Variants in EFCAB13 observed in about 807,000 individuals in gnomAD.
The protein encoded by EFCAB13 is EF-hand calcium-binding domain-containing protein 13.
EFCAB13 carries 91 observed loss-of-function variants against 110.2 expected under a neutral mutation model. That is an observed-to-expected ratio of 0.83 (90% confidence interval 0.70 to 0.98). The LOEUF is 0.98. EFCAB13 is among the 50% of genes least tolerant of loss of function. The pLI, the probability that EFCAB13 is intolerant of heterozygous loss-of-function variation, is 0.00. For missense variants in EFCAB13, 968 were observed against 1,119.4 expected, an observed-to-expected ratio of 0.86 and a Z score of 1.93; for synonymous variants, 323 against 369.9, an observed-to-expected ratio of 0.87 and a Z score of 1.45.
intron 24 of EFCAB13, among the ~76,000 whole-genome samples, chr17:47,433,608 A>G (rs1378587428): frequency 6.6e-6 from 1 of 152,188 alleles, no homozygotes; most frequent in Non-Finnish European, 1.5e-5. Flanking sequence ...ATGAATTGCT[A>G]GCCTGTAGCA....
rs922732674 is a variant in EFCAB13 at position 47,431,153 on chromosome 17, AAATT to A, written c.2638+1194_2638+1197del. ...TCTTTGTTATTTTGAAATATAAAAT[AAATT>A]ATTAACTATAGTCACTGTATTGTGC... On this transcript the variant is annotated intron_variant, in intron 24 of 24. Transcript: ENST00000331493. The surrounding 1 kb of genome is among the most constrained non-coding windows in gnomAD (Gnocchi z 4.1). Among the ~76,000 whole-genome samples, 1 of 152,150 alleles carries A rather than the reference AAATT, an allele frequency of 6.6e-6. No homozygotes were observed. The highest frequency in any genetic ancestry group is 2.4e-5 in the African/African-American group (1 of 41,456).
chr17:47,433,313 T>C (rs1257992544), intron 24 of EFCAB13, among the ~76,000 whole-genome samples: 2 of 152,192 alleles, frequency 1.3e-5, no homozygotes, highest in Admixed American at 1.3e-4. Flanking sequence ...ACTGATGATA[T>C]TAACCTTGAT....
At chr17:47,384,855 C>G (rs745956061) in intron 14 of EFCAB13, among the ~76,000 whole-genome samples, 2 of 152,056 alleles carry the variant, frequency 1.3e-5, no homozygotes, top group Non-Finnish European at 2.9e-5. Context: ...CTGCAAGCTC[C>G]GCCTCCTGGG....
intron 4 of EFCAB13, 67 bp downstream of exon 4, chr17:47,328,450 C>G: frequency 1.6e-6 from 2 of 1,282,318 alleles, no homozygotes; most frequent in Admixed American, 4.4e-5. Context: ...TACATTACCT[C>G]ATATTCATAA....
chr17:47,419,934 C>CTCTCCT (rs1904579265), intron 23 of EFCAB13, among the ~76,000 whole-genome samples: 1 of 151,886 alleles, frequency 6.6e-6, no homozygotes, highest in Admixed American at 6.6e-5. Context: ...CTCCCTCTCC[C>CTCTCCT]TCTCCCTCCC....
intron 4 of EFCAB13, among the ~76,000 whole-genome samples, chr17:47,333,536 C>A (rs1040466773): frequency 6.6e-6 from 1 of 152,036 alleles, no homozygotes; most frequent in Admixed American, 6.6e-5. Context: ...AGAGCTTTTC[C>A]CCTATCTTCT....
intron 20 of EFCAB13, among the ~76,000 whole-genome samples, chr17:47,408,299 T>C (rs1052451851): frequency 5.3e-5 from 8 of 152,216 alleles, no homozygotes; most frequent in African/African-American, 1.9e-4. Flanking sequence ...TGTACTGAGA[T>C]AGAGTTTACC....
At chr17:47,404,047 G>A (rs767605170) in intron 19 of EFCAB13, 26 bp downstream of exon 19, 3 of 1,552,146 alleles carry the variant, frequency 1.9e-6, no homozygotes, top group Admixed American at 4.1e-5. Flanking sequence ...ATTACTCTCA[G>A]GTTTTTTTTT....
chr17:47,374,161 A>G (rs753864274), intron 11 of EFCAB13, among the ~76,000 whole-genome samples: 19 of 152,234 alleles, frequency 1.2e-4, no homozygotes, highest in Non-Finnish European at 2.1e-4. Flanking sequence ...TTATTAATCT[A>G]TTATCTTTGT....
chr17:47,362,497 G>A (rs2065520431), intron 10 of EFCAB13, among the ~76,000 whole-genome samples: 1 of 152,202 alleles, frequency 6.6e-6, no homozygotes, highest in Non-Finnish European at 1.5e-5. Flanking sequence ...GGGAAAGGCA[G>A]TCTCCCTTTC....
intron 20 of EFCAB13, among the ~76,000 whole-genome samples, chr17:47,408,246 T>C (rs184699813): frequency 2.8e-4 from 42 of 152,334 alleles, no homozygotes; most frequent in Non-Finnish European, 5.7e-4. Context: ...TTACTTTATT[T>C]ACAAAGAATT....
At chr17:47,325,220 G>A (rs1280032485) in intron 2 of EFCAB13, among the ~76,000 whole-genome samples, 3 of 150,670 alleles carry the variant, frequency 2.0e-5, no homozygotes, top group African/African-American at 4.9e-5. Context: ...TTTCACTGTT[G>A]CCCAGGCTGG....
At chr17:47,344,798 T>C (rs1372459052) in intron 7 of EFCAB13, among the ~76,000 whole-genome samples, 1 of 152,156 alleles carries the variant, frequency 6.6e-6, no homozygotes, top group African/African-American at 2.4e-5. Context: ...TCATGGGCAC[T>C]ATTTGCAGAC....
intron 17 of EFCAB13, among the ~76,000 whole-genome samples, chr17:47,399,162 G>T (rs1284644611): frequency 1.3e-5 from 2 of 152,124 alleles, no homozygotes; most frequent in African/African-American, 4.8e-5. Context: ...TGATCTTCTG[G>T]CCTTGGCCTC....
intron 3 of EFCAB13, among the ~76,000 whole-genome samples, chr17:47,327,294 A>G (rs1031676140): frequency 6.6e-6 from 1 of 151,592 alleles, no homozygotes; most frequent in Non-Finnish European, 1.5e-5. Context: ...CCTCCTGAGT[A>G]GCTGGGATTA....
intron 3 of EFCAB13, among the ~76,000 whole-genome samples, chr17:47,327,560 C>T (rs866178129): frequency 1.8e-4 from 28 of 151,630 alleles, no homozygotes; most frequent in Middle Eastern, 3.4e-3. Flanking sequence ...CAGATTCAAG[C>T]GATTCTGCCT....
intron 18 of EFCAB13, among the ~76,000 whole-genome samples, chr17:47,402,702 T>C (rs192260809): frequency 2.5e-4 from 38 of 152,236 alleles, no homozygotes; most frequent in Non-Finnish European, 2.1e-4. Flanking sequence ...CTTATTATCA[T>C]TGGATGATAT....
At chr17:47,354,337 T>C (rs1004541616) in intron 9 of EFCAB13, among the ~76,000 whole-genome samples, 1 of 152,226 alleles carries the variant, frequency 6.6e-6, no homozygotes, top group African/African-American at 2.4e-5. Flanking sequence ...ATGAATAGAA[T>C]TCATAGTCTG....
At chr17:47,406,521 T>A (rs1405548582) in intron 20 of EFCAB13, among the ~76,000 whole-genome samples, 2 of 152,202 alleles carry the variant, frequency 1.3e-5, no homozygotes, top group Admixed American at 6.5e-5. Flanking sequence ...AGTTCCCTAG[T>A]TCATTAGAGA....
Sources: gnomAD v4.1 joint callset for allele counts (sites outside exome capture counted in the v4.1 genomes callset) on GRCh38, gnomAD v4.1.1 for gene constraint, Gnocchi (gnomAD v3.1) non-coding constraint, MANE v1.5 for transcripts, NCBI Gene and HGNC (gene_info 2026-07-23, HGNC 2026-07-21) for gene names.